XPNPEP3: variants seen among roughly 807,000 people sequenced by gnomAD.
The protein encoded by XPNPEP3 is xaa-Pro aminopeptidase 3.
In XPNPEP3, 41 loss-of-function variants were observed where a neutral mutation model predicts 60.0. The observed-to-expected ratio is 0.68, with a 90% confidence interval of 0.53 to 0.89. XPNPEP3 has a LOEUF of 0.89. Ranked by LOEUF, XPNPEP3 falls within the 40% of genes least tolerant of loss-of-function variation. XPNPEP3 has a pLI of 0.00. For missense variants in XPNPEP3, 598 were observed against 638.9 expected, an observed-to-expected ratio of 0.94 and a Z score of 0.69; for synonymous variants, 212 against 223.2, an observed-to-expected ratio of 0.95 and a Z score of 0.45.
chr22:40,913,734 C>T (rs2058185022), intron 6 of XPNPEP3, among the ~76,000 whole-genome samples: 1 of 152,098 alleles, frequency 6.6e-6, no homozygotes, highest in Non-Finnish European at 1.5e-5. Context: ...GTGAATTCAT[C>T]TGAAAAGATT....
At chr22:40,874,494 T>C (rs1420658939) in intron 2 of XPNPEP3, among the ~76,000 whole-genome samples, 1 of 152,122 alleles carries the variant, frequency 6.6e-6, no homozygotes, top group African/African-American at 2.4e-5. Flanking sequence ...GCCGAGATCA[T>C]GGCTCACTGG....
At chr22:40,875,282 A>G (rs773513707) in intron 2 of XPNPEP3, among the ~76,000 whole-genome samples, 6 of 151,836 alleles carry the variant, frequency 4.0e-5, no homozygotes, top group Admixed American at 1.3e-4. Flanking sequence ...CGATCCTCCC[A>G]CTTCAGTTTC....
chr22:40,909,993 A>G (rs1204182004), intron 6 of XPNPEP3, among the ~76,000 whole-genome samples: 1 of 151,992 alleles, frequency 6.6e-6, no homozygotes, highest in Non-Finnish European at 1.5e-5. Context: ...CATATCTTCT[A>G]TGATTTTCTT....
intron 4 of XPNPEP3, among the ~76,000 whole-genome samples, chr22:40,891,914 G>A (rs1569023402): frequency 6.6e-6 from 1 of 152,168 alleles, no homozygotes; most frequent in Non-Finnish European, 1.5e-5. Flanking sequence ...CATGCACAAC[G>A]TGGGTTTCTG....
At position 40,901,197 on chromosome 22, in the gene XPNPEP3, A is replaced by G. The variant is rs570393863; in HGVS notation, c.793-6390A>G. Among the ~76,000 whole-genome samples the G allele has an allele frequency of 3.0e-3, 457 of 151,586 alleles. 4 individuals carry two copies. Among genetic ancestry groups the G allele is most frequent in the Middle Eastern group, 0.014 (4 of 294 alleles). The stretch of plus-strand genomic sequence containing the variant: ...ATGAGAGAAAATATTTGCAAATCAT[A>G]TATCTGATAAGGTTCTAGTATCTAG... On this transcript the variant is annotated intron_variant, in intron 4 of 9. Transcript: ENST00000357137.
intron 1 of XPNPEP3, among the ~76,000 whole-genome samples, chr22:40,867,199 C>G (rs1569014748): frequency 6.6e-6 from 1 of 152,168 alleles, no homozygotes; most frequent in Non-Finnish European, 1.5e-5. Context: ...ATTTTACAAA[C>G]ACAGAATCAG....
intron 2 of XPNPEP3, among the ~76,000 whole-genome samples, chr22:40,877,561 C>G (rs1241631383): frequency 6.6e-6 from 1 of 152,146 alleles, no homozygotes; most frequent in Non-Finnish European, 1.5e-5. Context: ...AAGAGCTTTC[C>G]TTCTTGGCTG....
At chr22:40,907,450 A>G in intron 4 of XPNPEP3, 137 bp from the exon 5 acceptor site, 1 of 821,790 alleles carries the variant, frequency 1.2e-6, no homozygotes, top group Non-Finnish European at 2.0e-6. Flanking sequence ...CTGTATTATT[A>G]CCCCCAGTAG....
chr22:40,863,305 C>T (rs888901130), intron 1 of XPNPEP3, among the ~76,000 whole-genome samples: 24 of 152,188 alleles, frequency 1.6e-4, no homozygotes, highest in Admixed American at 1.5e-3. Context: ...TGGGGATAAA[C>T]TACCAGTAGT....
At chr22:40,915,812 G>A (rs2058194147) in intron 7 of XPNPEP3, among the ~76,000 whole-genome samples, 1 of 152,172 alleles carries the variant, frequency 6.6e-6, no homozygotes, top group African/African-American at 2.4e-5. Flanking sequence ...ACTGAACTAT[G>A]TGTTCTGAGG....
chr22:40,890,827 C>A (rs963806230), intron 4 of XPNPEP3, among the ~76,000 whole-genome samples: 4 of 151,994 alleles, frequency 2.6e-5, no homozygotes, highest in Non-Finnish European at 4.4e-5. Flanking sequence ...GAGATTGCAC[C>A]ACTGCACTCC....
At position 40,914,040 on chromosome 22, in the gene XPNPEP3, G is replaced by T. The variant is rs191790925; in HGVS notation, c.970-199G>T. Among the ~76,000 whole-genome samples, 56 of 152,146 alleles carry T rather than the reference G, an allele frequency of 3.7e-4. No homozygotes were observed. In the East Asian group the frequency reaches 0.011, roughly 29 times the overall value. On this transcript the variant is annotated intron_variant, in intron 6 of 9. Coordinates refer to ENST00000357137, the MANE Select transcript of XPNPEP3 (RefSeq NM_022098.4). ...CACCTGTAATCCCAGCTACTCGGAGGCTGAGGCAGGAGAATCGCTTGAACG... is the reference window on the plus strand; with the variant it reads ...CACCTGTAATCCCAGCTACTCGGAGTCTGAGGCAGGAGAATCGCTTGAACG...
chr22:40,896,524 G>T (rs559119877), intron 4 of XPNPEP3, among the ~76,000 whole-genome samples: 1 of 152,050 alleles, frequency 6.6e-6, no homozygotes, highest in African/African-American at 2.4e-5. Flanking sequence ...AAAATTAGCC[G>T]GGCGTGGGAC....
At chr22:40,858,014 A>G (rs1453464207) in intron 1 of XPNPEP3, among the ~76,000 whole-genome samples, 2 of 152,216 alleles carry the variant, frequency 1.3e-5, no homozygotes, top group Non-Finnish European at 2.9e-5. Flanking sequence ...ATAAAAAGTT[A>G]TTGTCCAGTG....
intron 6 of XPNPEP3, among the ~76,000 whole-genome samples, chr22:40,911,581 C>T (rs1251658697): frequency 6.6e-6 from 1 of 151,250 alleles, no homozygotes; most frequent in Non-Finnish European, 1.5e-5. Context: ...CTCTTGTCAC[C>T]CAAACTGGAG....
rs530548534 is a variant in XPNPEP3 at position 40,913,017 on chromosome 22, T to G, written c.970-1222T>G. Among the ~76,000 whole-genome samples, 103 of 152,362 alleles carry G rather than the reference T, an allele frequency of 6.8e-4. No homozygotes were observed. The Middle Eastern group carries it at 0.014, about 20-fold the overall frequency. The stretch of plus-strand genomic sequence containing the variant: ...ACTGTATGTTATCATTTACCCATTA[T>G]TCTACTGTTTGTCAAATTTTGTACT... On this transcript the variant is annotated intron_variant, in intron 6 of 9. Coordinates refer to ENST00000357137, the MANE Select transcript of XPNPEP3 (RefSeq NM_022098.4).
At chr22:40,885,948 C>T (rs1474227005) in intron 3 of XPNPEP3, among the ~76,000 whole-genome samples, 2 of 152,146 alleles carry the variant, frequency 1.3e-5, no homozygotes, top group Non-Finnish European at 2.9e-5. Context: ...TGCCACTGCA[C>T]TCCAGCCTGG....
In XPNPEP3 at chr22:40,886,359, A is replaced by C; in HGVS notation, c.636A>C (p.Ala212=). The C allele has an allele frequency of 6.2e-7, 1 of 1,614,174 alleles. No individual in the cohort carries two copies. The highest frequency in any genetic ancestry group is 8.5e-7 in the Non-Finnish European group (1 of 1,180,040). The part of the protein sequence containing the change: ...VWYDWMRPSH[A]QLHSDYMQPL... ...ATGACTGGATGAGGCCCTCACATGC[A>C]CAGCTTCACTCTGACTATATGCAGC... The change falls in exon 4 of 10, where the codon GCA becomes GCC. Residue 212 remains alanine (A), a synonymous_variant. Transcript: ENST00000357137.
Position 40,929,815 on chromosome 22 carries a change from T to C in XPNPEP3, c.*3380T>C, listed in dbSNP as rs938356930. The C allele has an allele frequency of 1.3e-4, 20 of 152,344 alleles. No individual in the cohort carries two copies. Among genetic ancestry groups the C allele is most frequent in the Admixed American group, 7.8e-4 (12 of 15,298 alleles). 9.4% of individuals were successfully genotyped at this position (152,344 alleles called of 1,614,324 possible). A position where few individuals can be genotyped will look rare whatever the true frequency, so the allele number is the denominator to read the frequency against. On this transcript the variant is annotated 3_prime_UTR_variant, in exon 10 of 10. Transcript: ENST00000357137. ...GTGTGATCTTACTCATTCTCAGCCATGCCGCAGACATACCCATTTCCCTTT... is the reference window on the plus strand; with the variant it reads ...GTGTGATCTTACTCATTCTCAGCCACGCCGCAGACATACCCATTTCCCTTT...
Sources: allele counts gnomAD v4.1 joint callset (sites outside exome capture counted in the v4.1 genomes callset), GRCh38; gene constraint gnomAD v4.1.1; transcripts MANE v1.5; gene names NCBI Gene and HGNC (gene_info 2026-07-23, HGNC 2026-07-21).